TPRG1: variants seen among roughly 807,000 people sequenced by gnomAD.
TPRG1 encodes tumor protein p63-regulated gene 1 protein.
Under a neutral mutation model 29.3 loss-of-function variants are expected in TPRG1, and 29 were observed. The ratio of observed to expected loss-of-function variants is 0.99; its 90% CI spans 0.74 to 1.35. The LOEUF (loss-of-function observed/expected upper bound fraction) is 1.35, where lower values mean the gene tolerates loss of function less well. Among genes scored for constraint, TPRG1 ranks in the 40% most tolerant of loss-of-function variants. The pLI, the probability that TPRG1 is intolerant of heterozygous loss-of-function variation, is 0.00. For synonymous variants in TPRG1, 130 were observed against 116.8 expected (o/e 1.11, Z -0.73); for missense variants, 327 against 335.0 (o/e 0.98, Z 0.19).
chr3:189,073,107 A>T (rs1170751803), intron 4 of TPRG1, among the ~76,000 whole-genome samples: 1 of 152,178 alleles, frequency 6.6e-6, no homozygotes. Context: ...AGAAACTGAG[A>T]TCTGGGTACT....
chr3:189,299,120 T>C (rs1223422378), intron 4 of TPRG1, among the ~76,000 whole-genome samples: 3 of 152,132 alleles, frequency 2.0e-5, no homozygotes, highest in Non-Finnish European at 4.4e-5. Context: ...TGAAACTTGT[T>C]TTTTTAGGGT....
chr3:189,294,106 G>A lies in TPRG1; in HGVS notation c.480-16280G>A, dbSNP rs75903444. ...TATGAAGGGCTAAGAAAAAAGCATAGTTGGGTATACAAAACATGTGAATGT... is the reference window on the plus strand; with the variant it reads ...TATGAAGGGCTAAGAAAAAAGCATAATTGGGTATACAAAACATGTGAATGT... On this transcript the variant is annotated intron_variant, in intron 4 of 5. Coordinates refer to ENST00000345063, the MANE Select transcript of TPRG1 (RefSeq NM_198485.4). 4.4e-3 allele frequency among the ~76,000 whole-genome samples: 666 copies of A among 152,304 alleles called. 3 individuals are homozygous for A. The highest frequency in any genetic ancestry group is 0.015 in the African/African-American group (634 of 41,558).
chr3:189,190,865 A>T (rs1731586974), intron 1 of TPRG1: 1 of 621,664 alleles, frequency 1.6e-6, no homozygotes, highest in Non-Finnish European at 2.0e-6. Flanking sequence ...CTCCCCTCTT[A>T]GCTGCTTTGT....
chr3:189,097,141 A>G (rs1308162698), upstream of TPRG1, among the ~76,000 whole-genome samples: 1 of 152,208 alleles, frequency 6.6e-6, no homozygotes, highest in Non-Finnish European at 1.5e-5. Flanking sequence ...ATGTTGGCAC[A>G]TTTCATTCCA....
intron 3 of TPRG1, among the ~76,000 whole-genome samples, chr3:189,140,166 A>G (rs1724351256): frequency 6.6e-6 from 1 of 152,196 alleles, no homozygotes; most frequent in African/African-American, 2.4e-5. Context: ...TTCACCAGAT[A>G]CACTTGAGAC....
chr3:189,109,413 G>A (rs1720232372), intron 1 of TPRG1, among the ~76,000 whole-genome samples: 2 of 152,218 alleles, frequency 1.3e-5, no homozygotes, highest in African/African-American at 4.8e-5. Flanking sequence ...GACAAGGGAT[G>A]CAGCAACGTG....
intron 2 of TPRG1, among the ~76,000 whole-genome samples, chr3:189,129,157 G>A (rs1446176558): frequency 6.6e-6 from 1 of 151,900 alleles, no homozygotes; most frequent in African/African-American, 2.4e-5. Flanking sequence ...TTATTCCTAG[G>A]CTCCAATTCA....
chr3:189,137,396 G>C (rs947377983), intron 3 of TPRG1, among the ~76,000 whole-genome samples: 2 of 150,406 alleles, frequency 1.3e-5, no homozygotes, highest in Admixed American at 6.7e-5. Context: ...AGCAGCAATA[G>C]CCACTTGAAA....
intron 3 of TPRG1, among the ~76,000 whole-genome samples, chr3:189,230,138 C>T (rs1738404201): frequency 6.6e-6 from 1 of 152,070 alleles, no homozygotes; most frequent in Admixed American, 6.5e-5. Context: ...ATTCAGTGGT[C>T]TTGTGGGAAA....
intron 1 of TPRG1, among the ~76,000 whole-genome samples, chr3:189,113,604 CA>C (rs1720812569): frequency 6.6e-6 from 1 of 152,008 alleles, no homozygotes; most frequent in South Asian, 2.1e-4. Context: ...TGAATTTTGT[CA>C]AAGGCCTTTT....
chr3:189,198,423 A>G (rs1238613226), intron 1 of TPRG1, among the ~76,000 whole-genome samples: 7 of 152,282 alleles, frequency 4.6e-5, no homozygotes, highest in Middle Eastern at 6.8e-3. Flanking sequence ...ATGAGCTTCT[A>G]TAGATTAAAG....
At chr3:189,261,387 C>T (rs1279973517) in intron 4 of TPRG1, among the ~76,000 whole-genome samples, 1 of 150,606 alleles carries the variant, frequency 6.6e-6, no homozygotes, top group East Asian at 2.0e-4. Flanking sequence ...TTTTTCTTGG[C>T]TTCAGAGGTG....
intron 3 of TPRG1, among the ~76,000 whole-genome samples, chr3:189,013,858 A>T (rs1489680264): frequency 6.6e-6 from 1 of 151,474 alleles, no homozygotes; most frequent in Non-Finnish European, 1.5e-5. Flanking sequence ...CTGCTTTTTA[A>T]TTTTTTCATC....
intron 1 of TPRG1, among the ~76,000 whole-genome samples, chr3:189,176,575 G>T (rs978864343): frequency 1.3e-5 from 2 of 152,162 alleles, no homozygotes; most frequent in African/African-American, 4.8e-5. Context: ...CAGAGAAAGA[G>T]GATAGAAAGT....
At chr3:189,229,422 T>C (rs1385873853) in intron 3 of TPRG1, among the ~76,000 whole-genome samples, 1 of 152,156 alleles carries the variant, frequency 6.6e-6, no homozygotes, top group Non-Finnish European at 1.5e-5. Flanking sequence ...GGTTAAGTCA[T>C]TAGACAGCCT....
intron 4 of TPRG1, among the ~76,000 whole-genome samples, chr3:189,028,877 A>G (rs16863896): frequency 0.017 from 2,641 of 152,256 alleles, 72 homozygotes; most frequent in African/African-American, 0.06. Flanking sequence ...TGACAAATGT[A>G]TGACTACAGA....
intron 4 of TPRG1, among the ~76,000 whole-genome samples, chr3:189,048,673 G>A (rs1715117497): frequency 6.6e-6 from 1 of 152,148 alleles, no homozygotes; most frequent in African/African-American, 2.4e-5. Context: ...GCTCCAGACA[G>A]AGCAGCATGA....
chr3:189,084,680 C>G (rs902781598), intron 4 of TPRG1, among the ~76,000 whole-genome samples: 9 of 152,240 alleles, frequency 5.9e-5, no homozygotes, highest in African/African-American at 2.2e-4. Flanking sequence ...ACTGCCATCT[C>G]TCCTCCACCC....
chr3:189,220,426 G>A (rs1020855870), intron 3 of TPRG1, among the ~76,000 whole-genome samples: 4 of 152,064 alleles, frequency 2.6e-5, no homozygotes, highest in African/African-American at 7.2e-5. Flanking sequence ...ATACAAGTGC[G>A]TATAATTATT....
Sources: gnomAD v4.1 joint callset for allele counts (sites outside exome capture counted in the v4.1 genomes callset) on GRCh38, gnomAD v4.1.1 for gene constraint, MANE v1.5 for transcripts, NCBI Gene and HGNC (gene_info 2026-07-23, HGNC 2026-07-21) for gene names.